Variants in DYSF observed in about 807,000 individuals in gnomAD.
DYSF encodes dystrophy-associated fer-1-like 1.
Under a neutral mutation model 274.9 loss-of-function variants are expected in DYSF, and 212 were observed. The observed-to-expected ratio is 0.77, with a 90% CI of 0.69 to 0.86. DYSF has a LOEUF of 0.86. Ranked by LOEUF, DYSF falls within the 40% of genes least tolerant of loss-of-function variation. The probability of loss-of-function intolerance (pLI) is 0.00; values close to 1 mark genes in which losing one functional copy is unlikely to be tolerated. For synonymous variants in DYSF, 1,091 were observed against 1,078.7 expected (o/e 1.01, Z -0.22); for missense variants, 2,666 against 2,783.2 (o/e 0.96, Z 0.95).
intron 21 of DYSF, 31 bp from the exon 22 acceptor site, chr2:71,555,934 C>T (rs1168105196): frequency 6.5e-7 from 1 of 1,531,916 alleles, no homozygotes; most frequent in Non-Finnish European, 8.9e-7. Context: ...CCTGTGGTGA[C>T]ACACCTGACC....
chr2:71,654,894 C>T (rs114881651), intron 42 of DYSF, among the ~76,000 whole-genome samples: 2,637 of 152,068 alleles, frequency 0.017, 76 homozygotes, highest in African/African-American at 0.06. Flanking sequence ...ACCTGGGCAA[C>T]ATGGCCAGAA....
chr2:71,462,033 A>G (rs1292453585), upstream of DYSF, among the ~76,000 whole-genome samples: 2 of 152,182 alleles, frequency 1.3e-5, no homozygotes, highest in Non-Finnish European at 2.9e-5. Flanking sequence ...TGCTTTTTCC[A>G]GCTGGAAACC....
chr2:71,676,587 C>A (rs2095226216), intron 52 of DYSF, among the ~76,000 whole-genome samples: 1 of 151,328 alleles, frequency 6.6e-6, no homozygotes, highest in African/African-American at 2.4e-5. Context: ...ATCAATCTTT[C>A]CTTTATGAAG....
In DYSF at chr2:71,667,411, G is replaced by T. The variant is rs752715218; in HGVS notation, c.5353G>T (p.Val1785Leu). 1 of 1,614,160 alleles carries T rather than the reference G, an allele frequency of 6.2e-7. No individual in the cohort carries two copies. The highest frequency in any genetic ancestry group is 1.1e-5 in the South Asian group (1 of 91,084). The change falls in exon 48 of 56, where the codon GTG becomes TTG. Residue 1785 changes from valine (V) to leucine (L), a missense_variant. Val to Leu is a conservative substitution (Grantham distance 32, BLOSUM62 1). Transcript: ENST00000410020. The stretch of plus-strand genomic sequence containing the variant: ...GATCCCAAACCCACACCTGGGCCCA[G>T]TGGAGGAGCGTCTGGCTCTGCATGT... The part of the protein sequence containing the change: ...GRIPNPHLGP[V>L]EERLALHVLQ...
intron 41 of DYSF, among the ~76,000 whole-genome samples, chr2:71,629,837 A>T (rs2094282821): frequency 6.6e-6 from 1 of 152,176 alleles, no homozygotes; most frequent in African/African-American, 2.4e-5. Flanking sequence ...ATTTTGCTGG[A>T]AATCAATGTC....
intron 42 of DYSF, among the ~76,000 whole-genome samples, chr2:71,654,208 TTCTA>T (rs1342207289): frequency 2.6e-5 from 4 of 152,368 alleles, no homozygotes; most frequent in African/African-American, 9.6e-5. Context: ...GCATACCATC[TTCTA>T]TCTATCAAAT....
At chr2:71,484,205 A>G (rs1352480125) in intron 3 of DYSF, among the ~76,000 whole-genome samples, 1 of 151,676 alleles carries the variant, frequency 6.6e-6, no homozygotes, top group Non-Finnish European at 1.5e-5. Context: ...GGTGCCCACC[A>G]CCACACCTGG....
chr2:71,493,117 A>G (rs2084018342), intron 3 of DYSF, among the ~76,000 whole-genome samples: 1 of 152,042 alleles, frequency 6.6e-6, no homozygotes, highest in Non-Finnish European at 1.5e-5. Context: ...TTGAACTCCT[A>G]GGATCAAGGG....
At chr2:71,629,731 C>A (rs1476634720) in intron 41 of DYSF, among the ~76,000 whole-genome samples, 1 of 152,190 alleles carries the variant, frequency 6.6e-6, no homozygotes, top group Non-Finnish European at 1.5e-5. Context: ...ACATTCCCAT[C>A]AGCTCAGCCA....
chr2:71,644,163 TG>T, intron 42 of DYSF, 100 bp downstream of exon 42: 1 of 1,042,020 alleles, frequency 9.6e-7, no homozygotes, highest in Non-Finnish European at 1.5e-6. Flanking sequence ...TATTTGCATT[TG>T]TCTCCTCATT....
intron 20 of DYSF, 54 bp from the exon 21 acceptor site, chr2:71,553,753 T>TTCCCCCCCCCCCCCC: frequency 1.2e-5 from 7 of 567,520 alleles, no homozygotes; most frequent in South Asian, 6.4e-5. Context: ...TAGCACCCCA[T>TTCCCCCCCCCCCCCC]CCCACCCGCC....
intron 1 of DYSF, among the ~76,000 whole-genome samples, chr2:71,479,747 C>A (rs1024385455): frequency 6.6e-6 from 1 of 152,176 alleles, no homozygotes; most frequent in African/African-American, 2.4e-5. Context: ...AGTGGGTCAG[C>A]TCTCAGCCAT....
chr2:71,555,050 G>A (rs1474870913), intron 21 of DYSF, among the ~76,000 whole-genome samples: 1 of 151,764 alleles, frequency 6.6e-6, no homozygotes, highest in African/African-American at 2.4e-5. Context: ...CGTGTCTGTG[G>A]GTGGGGAGGT....
intron 44 of DYSF, 141 bp downstream of exon 44, chr2:71,659,174 G>T: frequency 8.3e-7 from 1 of 1,208,190 alleles, no homozygotes; most frequent in Non-Finnish European, 1.2e-6. Flanking sequence ...AGAGGTGCCT[G>T]GATGGAGTTG....
At chr2:71,548,301 A>C (rs1488245169) in intron 17 of DYSF, among the ~76,000 whole-genome samples, 2 of 152,172 alleles carry the variant, frequency 1.3e-5, no homozygotes, top group African/African-American at 4.8e-5. Context: ...TCCTTCACAA[A>C]GTTTTCCTCA....
rs748604967 is a variant in DYSF at position 71,516,203 on chromosome 2, C to T, written c.912C>T (p.Asp304=). The part of the protein sequence containing the change: ...FNETLFFNLF[D]SPGELFDEPI... ...AGACTCTTTTCTTCAACTTGTTTGACTCTCCTGGGGAGCTGTTTGATGAGC... is the reference window on the plus strand; with the variant it reads ...AGACTCTTTTCTTCAACTTGTTTGATTCTCCTGGGGAGCTGTTTGATGAGC... Residue 304 remains aspartate, a synonymous_variant, in exon 9 of 56, where the codon GAC becomes GAT. Transcript: ENST00000410020. 1 of 1,614,228 alleles carries T rather than the reference C, an allele frequency of 6.2e-7. No homozygotes were observed. Among genetic ancestry groups the T allele is most frequent in the Non-Finnish European group, 8.5e-7 (1 of 1,180,052 alleles).
chr2:71,496,150 T>G (rs2084368120), intron 3 of DYSF, among the ~76,000 whole-genome samples: 1 of 152,036 alleles, frequency 6.6e-6, no homozygotes, highest in Non-Finnish European at 1.5e-5. Flanking sequence ...ATATGATACT[T>G]TAACCCATCT....
chr2:71,537,463 C>G (rs760830888), intron 16 of DYSF, among the ~76,000 whole-genome samples: 1 of 152,040 alleles, frequency 6.6e-6, no homozygotes, highest in African/African-American at 2.4e-5. Flanking sequence ...CCAGGCTGGT[C>G]TTGAACTCCT....
Position 71,644,080 on chromosome 2 carries a change from G to T in DYSF, c.4626+17G>T. On this transcript the variant is annotated intron_variant, in intron 42 of 55. Transcript: ENST00000410020. ...ACCCTGAAGGTAAGGCCTCTCTTCA[G>T]TCTGACAGTCGGTGTGTGTGTGCGT... The T allele has an allele frequency of 1.9e-6, 3 of 1,597,180 alleles. No individual in the cohort carries two copies. Among genetic ancestry groups the T allele is most frequent in the Non-Finnish European group, 2.6e-6 (3 of 1,169,296 alleles).
Sources: allele counts gnomAD v4.1 joint callset (sites outside exome capture counted in the v4.1 genomes callset), GRCh38; gene constraint gnomAD v4.1.1; transcripts MANE v1.5; gene names NCBI Gene and HGNC (gene_info 2026-07-23, HGNC 2026-07-21).